NIPSNAP2: variants seen among roughly 807,000 people sequenced by gnomAD.
NIPSNAP2 encodes protein NipSnap homolog 2.
Under a neutral mutation model 48.4 loss-of-function variants are expected in NIPSNAP2, and 42 were observed. The ratio of observed to expected loss-of-function variants is 0.87; its 90% CI spans 0.68 to 1.12. The LOEUF is 1.12. Ranked by LOEUF, NIPSNAP2 falls within the 50% of genes most tolerant of loss-of-function variation. The pLI, the probability that NIPSNAP2 is intolerant of heterozygous loss-of-function variation, is 0.00. For missense variants in NIPSNAP2, 314 were observed against 347.3 expected (o/e 0.90, Z 0.76); for synonymous variants, 158 against 126.6 (o/e 1.25, Z -1.67).
Position 55,981,758 on chromosome 7 carries a change from ATTAT to A in NIPSNAP2, c.373+193_373+196del, listed in dbSNP as rs1446625319. The stretch of plus-strand genomic sequence containing the variant: ...AAAATTGTTTTTAATGTTTGAATCT[ATTAT>A]TGAACCATTATGATGTAACTCATAG... On this transcript the variant is annotated intron_variant, in intron 4 of 9. Coordinates refer to ENST00000322090, the MANE Select transcript of NIPSNAP2 (RefSeq NM_001483.3). 3 of 529,022 alleles carry A rather than the reference ATTAT, an allele frequency of 5.7e-6. No homozygotes were observed. The African/African-American group carries it at 5.8e-5, about 10-fold the overall frequency. The allele number at this position is 529,022 out of a possible 1,614,324, so 32.8% of individuals were successfully genotyped here. A position where few individuals can be genotyped will look rare whatever the true frequency, so the allele number is the denominator to read the frequency against.
intron 1 of NIPSNAP2, among the ~76,000 whole-genome samples, chr7:55,977,345 C>T (rs896434774): frequency 2.6e-5 from 4 of 152,138 alleles, no homozygotes; most frequent in Non-Finnish European, 5.9e-5. Context: ...GAGCCCAGAT[C>T]GTGCCACTGC....
chr7:55,997,282 G>A (rs866969186), intron 8 of NIPSNAP2, 84 bp from the exon 9 acceptor site: 4 of 993,184 alleles, frequency 4.0e-6, no homozygotes, highest in Middle Eastern at 2.1e-4. Context: ...TAGATGTCCA[G>A]GTGAAGCAAG....
chr7:55,983,235 G>C (rs1787257529), intron 5 of NIPSNAP2, among the ~76,000 whole-genome samples: 1 of 152,170 alleles, frequency 6.6e-6, no homozygotes, highest in Admixed American at 6.5e-5. Flanking sequence ...GGAACTGTTT[G>C]TCACACACAT....
rs758755748 is a variant in NIPSNAP2 at position 55,994,959 on chromosome 7, G to C, written c.683G>C (p.Gly228Ala). The change falls in exon 8 of 10, where the codon GGG (glycine) becomes GCG (alanine). Residue 228 changes from glycine (G) to alanine (A), a missense_variant. By Grantham distance (60) the Gly-to-Ala change is moderately conservative. Around this residue, in one of 2 missense-constraint regions of NIPSNAP2, gnomAD observed 116 missense variants for 161.8 expected, o/e 0.72. Transcript: ENST00000322090. ...GTCGGAGGATTCTTCTCTCAGATTGGGCAGCTGTACATGGTGCACCATCTT... is the reference window on the plus strand; with the variant it reads ...GTCGGAGGATTCTTCTCTCAGATTGCGCAGCTGTACATGGTGCACCATCTT... Reference protein sequence around the residue: ...EAVGGFFSQIGQLYMVHHLWA... With the variant: ...EAVGGFFSQIAQLYMVHHLWA... 2 of 1,614,072 alleles carry C rather than the reference G, an allele frequency of 1.2e-6. No individual in the cohort carries two copies. The highest frequency in any genetic ancestry group is 2.2e-5 in the South Asian group (2 of 91,080).
At chr7:55,965,321 C>T (rs1786870419) in intron 1 of NIPSNAP2, 1 of 150,860 alleles carries the variant, frequency 6.6e-6, no homozygotes, top group African/African-American at 2.4e-5. Context: ...TAAGTTCAGG[C>T]GTGGGGCTCT....
At chr7:55,983,891 T>C (rs1279316822) in intron 6 of NIPSNAP2, 23 bp downstream of exon 6, 8 of 1,605,364 alleles carry the variant, frequency 5.0e-6, no homozygotes, top group South Asian at 2.2e-5. Context: ...ATATAAGTTA[T>C]TCCTTTTACT....
chr7:55,983,756 G>C lies in NIPSNAP2; in HGVS notation c.473G>C (p.Ser158Thr), dbSNP rs201857257. The part of the protein sequence containing the change: ...KEFLEFRKAR[S>T]DMLLSRKNQL... ...TTTTTGGAATTTCGTAAGGCAAGAA[G>C]TGACATGCTTCTCTCCAGGAAGAAT... The change falls in exon 6 of 10, where the codon AGT (serine) becomes ACT (threonine). Residue 158 changes from serine to threonine, a missense_variant. By Grantham distance (58) the Ser-to-Thr change is moderately conservative. Transcript: ENST00000322090. The C allele has an allele frequency of 1.2e-6, 2 of 1,614,010 alleles. No homozygotes were observed.
intron 7 of NIPSNAP2, among the ~76,000 whole-genome samples, chr7:55,993,113 A>G (rs1280799625): frequency 1.3e-5 from 2 of 152,086 alleles, no homozygotes; most frequent in Admixed American, 6.6e-5. Context: ...AGCCTGGCCA[A>G]TGTGGTGAAA....
chr7:55,986,578 C>G (rs1302806883), intron 7 of NIPSNAP2, among the ~76,000 whole-genome samples: 2 of 152,020 alleles, frequency 1.3e-5, no homozygotes, highest in Non-Finnish European at 2.9e-5. Flanking sequence ...AGGAGAATCA[C>G]TTGAACCTGG....
intron 7 of NIPSNAP2, among the ~76,000 whole-genome samples, chr7:55,991,328 ATTG>A (rs1401451603): frequency 6.6e-6 from 1 of 152,142 alleles, no homozygotes; most frequent in Non-Finnish European, 1.5e-5. Flanking sequence ...TTTTTGGACT[ATTG>A]TTGTTAATCA....
chr7:55,987,412 G>T (rs566598693), intron 7 of NIPSNAP2, among the ~76,000 whole-genome samples: 1 of 152,158 alleles, frequency 6.6e-6, no homozygotes, highest in Admixed American at 6.5e-5. Flanking sequence ...CTGGTCACCC[G>T]AGCTCAGGAG....
In NIPSNAP2 at chr7:55,978,441, T is replaced by C. The variant is rs542272079; in HGVS notation, c.278+46T>C. Reference sequence around the variant, plus strand: ...TTTACTTGGGGAAAAATAATGACTTTATTTGTTAGTTAATTCCACTAACAC... The same window carrying C: ...TTTACTTGGGGAAAAATAATGACTTCATTTGTTAGTTAATTCCACTAACAC... On this transcript the variant is annotated intron_variant, in intron 3 of 9. Coordinates refer to ENST00000322090, the MANE Select transcript of NIPSNAP2 (RefSeq NM_001483.3). The C allele has an allele frequency of 9.8e-5, 147 of 1,503,714 alleles. No individual in the cohort carries two copies. The East Asian group carries it at 2.6e-3, about 26-fold the overall frequency. The allele number at this position is 1,503,714 out of a possible 1,614,324, so 93.1% of individuals were successfully genotyped here. A position where few individuals can be genotyped will look rare whatever the true frequency, so the allele number is the denominator to read the frequency against.
chr7:55,981,746 A>G lies in NIPSNAP2; in HGVS notation c.373+179A>G, dbSNP rs191237139. The G allele has an allele frequency of 1.1e-3, 595 of 547,298 alleles. 5 individuals are homozygous for G. Among genetic ancestry groups the G allele is most frequent in the African/African-American group, 8.5e-3 (446 of 52,642 alleles). The allele number at this position is 547,298 out of a possible 1,614,324, so 33.9% of individuals were successfully genotyped here. A position where few individuals can be genotyped will look rare whatever the true frequency, so the allele number is the denominator to read the frequency against. ...GAAAATGGTTTTAAAATTGTTTTTAATGTTTGAATCTATTATTGAACCATT... is the reference window on the plus strand; with the variant it reads ...GAAAATGGTTTTAAAATTGTTTTTAGTGTTTGAATCTATTATTGAACCATT... On this transcript the variant is annotated intron_variant, in intron 4 of 9. Coordinates refer to ENST00000322090, the MANE Select transcript of NIPSNAP2 (RefSeq NM_001483.3).
intron 1 of NIPSNAP2, among the ~76,000 whole-genome samples, chr7:55,966,705 C>T (rs1786902374): frequency 6.6e-6 from 1 of 152,174 alleles, no homozygotes; most frequent in South Asian, 2.1e-4. Flanking sequence ...TGGCTTGAAC[C>T]TGGGAGGTGG....
At chr7:55,989,991 A>T (rs1174507103) in intron 7 of NIPSNAP2, among the ~76,000 whole-genome samples, 2 of 149,880 alleles carry the variant, frequency 1.3e-5, no homozygotes, top group African/African-American at 4.9e-5. Flanking sequence ...GGTGGCGAGC[A>T]CCTGTAGTCC....
intron 3 of NIPSNAP2, chr7:55,980,547 C>T (rs1288395781): frequency 6.6e-6 from 1 of 152,158 alleles, no homozygotes; most frequent in African/African-American, 2.4e-5. Context: ...ACTTTTTCAT[C>T]ATAATTTTTC....
At chr7:55,994,842 C>G (rs367627992) in intron 7 of NIPSNAP2, 52 bp from the exon 8 acceptor site, 1 of 1,459,322 alleles carries the variant, frequency 6.9e-7, no homozygotes, top group African/African-American at 1.4e-5. Context: ...TACCGATTCT[C>G]GTTAGCGTAT....
At chr7:55,969,049 AAAAAAAAG>A (rs1185762229) in intron 1 of NIPSNAP2, among the ~76,000 whole-genome samples, 5 of 145,236 alleles carry the variant, frequency 3.4e-5, no homozygotes, top group Non-Finnish European at 6.2e-5. Context: ...CCTGTCTGAA[AAAAAAAAG>A]AAAAAAAGAA....
At chr7:55,990,652 C>T (rs1787424284) in intron 7 of NIPSNAP2, among the ~76,000 whole-genome samples, 2 of 152,176 alleles carry the variant, frequency 1.3e-5, no homozygotes, top group African/African-American at 4.8e-5. Flanking sequence ...TAACTATTTA[C>T]CCACAAAGGG....
Sources: allele counts gnomAD v4.1 joint callset (sites outside exome capture counted in the v4.1 genomes callset), GRCh38; gene constraint gnomAD v4.1.1; regional missense constraint gnomAD v4.1.1; transcripts MANE v1.5; gene names NCBI Gene and HGNC (gene_info 2026-07-23, HGNC 2026-07-21).